NKAIN2: variants seen among roughly 807,000 people sequenced by gnomAD.
NKAIN2 encodes the protein sodium/potassium-transporting ATPase subunit beta-1-interacting protein 2.
Under a neutral mutation model 32.6 loss-of-function variants are expected in NKAIN2, and 14 were observed. The ratio of observed to expected loss-of-function variants is 0.43; its 90% CI spans 0.28 to 0.67. The LOEUF (loss-of-function observed/expected upper bound fraction) is 0.67, where lower values mean the gene tolerates loss of function less well. NKAIN2 is among the 30% of genes least tolerant of loss of function. NKAIN2 has a pLI of 0.17. For synonymous variants in NKAIN2, 80 were observed against 87.2 expected (o/e 0.92, Z 0.46); for missense variants, 198 against 258.3 (o/e 0.77, Z 1.60).
At chr6:124,735,696 C>G (rs1040052926) in intron 4 of NKAIN2, among the ~76,000 whole-genome samples, 1 of 151,726 alleles carries the variant, frequency 6.6e-6, no homozygotes, top group Admixed American at 6.6e-5. Flanking sequence ...CCAACTATTT[C>G]GTTGTTATCG....
intron 4 of NKAIN2, among the ~76,000 whole-genome samples, chr6:124,694,447 A>C (rs1053082306): frequency 4.6e-5 from 7 of 152,326 alleles, no homozygotes; most frequent in Non-Finnish European, 8.8e-5. Flanking sequence ...GCACCGGCTG[A>C]TTGAGAGACT....
intron 1 of NKAIN2, among the ~76,000 whole-genome samples, chr6:124,098,520 T>C (rs1784738900): frequency 6.6e-6 from 1 of 152,190 alleles, no homozygotes; most frequent in Non-Finnish European, 1.5e-5. Flanking sequence ...GAGATGGTTT[T>C]GTAACAAATA....
intron 4 of NKAIN2, among the ~76,000 whole-genome samples, chr6:124,779,243 A>AGAGAG (rs1779129592): frequency 1.1e-4 from 5 of 45,886 alleles, no homozygotes; most frequent in African/African-American, 3.0e-4. Context: ...GACTCCAACA[A>AGAGAG]AGAAAGAGAG....
chr6:124,127,541 A>G (rs1469549096), intron 1 of NKAIN2, among the ~76,000 whole-genome samples: 1 of 152,134 alleles, frequency 6.6e-6, no homozygotes, highest in Non-Finnish European at 1.5e-5. Context: ...TATACTTAGA[A>G]TCTTCCAAAC....
chr6:124,647,378 C>T (rs755953533), intron 3 of NKAIN2, among the ~76,000 whole-genome samples: 2 of 149,932 alleles, frequency 1.3e-5, no homozygotes, highest in Non-Finnish European at 3.0e-5. Context: ...GAAACCCTGT[C>T]TCTACTAAAA....
At chr6:124,444,490 A>G (rs888131627) in intron 3 of NKAIN2, among the ~76,000 whole-genome samples, 3 of 152,090 alleles carry the variant, frequency 2.0e-5, no homozygotes, top group African/African-American at 7.2e-5. Context: ...GCCTTTAAAC[A>G]TAAGACACGC....
At chr6:124,722,424 G>A (rs901618091) in intron 4 of NKAIN2, among the ~76,000 whole-genome samples, 1 of 152,194 alleles carries the variant, frequency 6.6e-6, no homozygotes, top group Admixed American at 6.5e-5. Flanking sequence ...CAGTTTCGTG[G>A]AAGACAATTT....
chr6:123,813,463 A>T (rs1773561390), intron 1 of NKAIN2, among the ~76,000 whole-genome samples: 1 of 152,036 alleles, frequency 6.6e-6, no homozygotes. Context: ...GGATATGTTT[A>T]CCCCTAGTTA....
At chr6:124,711,724 T>A (rs9375361) in intron 4 of NKAIN2, among the ~76,000 whole-genome samples, 150,527 of 151,820 alleles carry the variant, frequency 0.99, 74,630 homozygotes, top group East Asian at 1. Context: ...ATTCTTCTAA[T>A]TTTTTTTCAA....
chr6:123,833,408 G>C (rs1337646202), intron 1 of NKAIN2, among the ~76,000 whole-genome samples: 1 of 151,942 alleles, frequency 6.6e-6, no homozygotes, highest in Non-Finnish European at 1.5e-5. Flanking sequence ...TGACTATTTT[G>C]GGTTTTTTGC....
intron 1 of NKAIN2, among the ~76,000 whole-genome samples, chr6:123,838,647 A>G (rs1774730410): frequency 6.6e-6 from 1 of 152,188 alleles, no homozygotes; most frequent in Non-Finnish European, 1.5e-5. Context: ...CAGGCAAAAG[A>G]GTCTATCTAC....
intron 2 of NKAIN2, among the ~76,000 whole-genome samples, chr6:124,343,105 G>C (rs1299990072): frequency 6.6e-6 from 1 of 151,000 alleles, no homozygotes; most frequent in African/African-American, 2.4e-5. Context: ...CCTTGTGATA[G>C]TTTACTGAGA....
chr6:124,668,161 G>A (rs1399872991), intron 4 of NKAIN2, among the ~76,000 whole-genome samples: 2 of 152,052 alleles, frequency 1.3e-5, no homozygotes, highest in East Asian at 1.9e-4. Flanking sequence ...TGTTTACTAC[G>A]TGTAATCTTC....
At chr6:124,702,701 T>G (rs930478634) in intron 4 of NKAIN2, among the ~76,000 whole-genome samples, 3 of 152,052 alleles carry the variant, frequency 2.0e-5, no homozygotes, top group Non-Finnish European at 4.4e-5. Flanking sequence ...TTATTAGCCT[T>G]CTGAGAGCCA....
At chr6:124,701,258 T>C (rs1173941491) in intron 4 of NKAIN2, among the ~76,000 whole-genome samples, 1 of 152,030 alleles carries the variant, frequency 6.6e-6, no homozygotes, top group African/African-American at 2.4e-5. Flanking sequence ...CTTCTCTTGA[T>C]TATTTCTGTT....
rs142930790 is a variant in NKAIN2, at chr6:123,872,349, G to A, written c.54+68095G>A. Among the ~76,000 whole-genome samples, 37 of 152,268 alleles carry A rather than the reference G, an allele frequency of 2.4e-4. No homozygotes were observed. The East Asian group carries it at 5.6e-3, about 23-fold the overall frequency. On this transcript the variant is annotated intron_variant, in intron 1 of 6. Transcript: ENST00000368417. ...TGCAGAACACACCTTAGAATTATTC[G>A]GTTTACTAGCAGCAGCCAGGTTGTT...
chr6:124,557,083 T>C (rs1780502191), intron 3 of NKAIN2, among the ~76,000 whole-genome samples: 1 of 152,194 alleles, frequency 6.6e-6, no homozygotes, highest in Non-Finnish European at 1.5e-5. Flanking sequence ...ATTTTAGATG[T>C]CAATGCAATG....
chr6:124,275,029 CT>C (rs1206220426), intron 1 of NKAIN2, among the ~76,000 whole-genome samples: 1 of 151,970 alleles, frequency 6.6e-6, no homozygotes, highest in Non-Finnish European at 1.5e-5. Context: ...CTTTGTGTTA[CT>C]TTTTAGAAGA....
intron 4 of NKAIN2, among the ~76,000 whole-genome samples, chr6:124,692,442 A>T (rs1364418901): frequency 6.6e-6 from 1 of 152,182 alleles, no homozygotes; most frequent in Non-Finnish European, 1.5e-5. Context: ...TTGCCTTTAA[A>T]TAAGGTAGTT....
Sources: gnomAD v4.1 joint callset for allele counts (sites outside exome capture counted in the v4.1 genomes callset) on GRCh38, gnomAD v4.1.1 for gene constraint, MANE v1.5 for transcripts, NCBI Gene and HGNC (gene_info 2026-07-23, HGNC 2026-07-21) for gene names.